Variants in GABBR2 observed in about 807,000 individuals in gnomAD.
GABBR2 encodes gamma-aminobutyric acid type B receptor subunit 2.
GABBR2 carries 23 observed loss-of-function variants against 105.6 expected under a neutral mutation model. That is an observed-to-expected ratio of 0.22 (90% CI 0.16 to 0.31). GABBR2 has a LOEUF of 0.31. Among genes scored for constraint, GABBR2 ranks in the 10% least tolerant of loss-of-function variants. The pLI, the probability that GABBR2 is intolerant of heterozygous loss-of-function variation, is 1.00. For missense variants in GABBR2, 734 were observed against 1,245.5 expected (o/e 0.59, Z 6.18); for synonymous variants, 478 against 499.7 (o/e 0.96, Z 0.58).
chr9:98,294,614 C>A (rs1180993741), intron 17 of GABBR2, among the ~76,000 whole-genome samples: 1 of 151,964 alleles, frequency 6.6e-6, no homozygotes, highest in Non-Finnish European at 1.5e-5. Flanking sequence ...GCAGCTAGGA[C>A]TACAGGCGCA....
At chr9:98,334,166 T>C (rs1452354755) in intron 13 of GABBR2, among the ~76,000 whole-genome samples, 1 of 152,232 alleles carries the variant, frequency 6.6e-6, no homozygotes, top group African/African-American at 2.4e-5. Context: ...AGATCTAAAC[T>C]TGCTGGATTT....
chr9:98,693,531 G>A (rs569384701), intron 1 of GABBR2, among the ~76,000 whole-genome samples: 42 of 152,312 alleles, frequency 2.8e-4, no homozygotes, highest in Admixed American at 7.2e-4. Flanking sequence ...CAACCCCAGA[G>A]GCTGGGAGTC....
chr9:98,503,631 A>C (rs1827448231), intron 3 of GABBR2, among the ~76,000 whole-genome samples: 1 of 152,152 alleles, frequency 6.6e-6, no homozygotes, highest in Non-Finnish European at 1.5e-5. Flanking sequence ...AATCTGTATT[A>C]GTCATCTACT....
chr9:98,606,716 G>A (rs1432535658), intron 1 of GABBR2: 4 of 234,360 alleles, frequency 1.7e-5, no homozygotes, highest in Non-Finnish European at 2.5e-5. Flanking sequence ...CTGACCTCAA[G>A]TGATCCGCCC....
chr9:98,624,278 G>A (rs1490193812), intron 1 of GABBR2, among the ~76,000 whole-genome samples: 1 of 152,170 alleles, frequency 6.6e-6, no homozygotes, highest in Non-Finnish European at 1.5e-5. Context: ...CAGGGCCAGG[G>A]CCTACAAGTC....
Position 98,610,784 on chromosome 9 carries a change from A to G in GABBR2, c.322-32712T>C, listed in dbSNP as rs190811200. On this transcript the variant is annotated intron_variant, in intron 1 of 18. Transcript: ENST00000259455. ...CTTCTGGCCTCTAGGACTGTGAGAAAAAAAAAAAACGTGTGCTGTTTTCAG... is the reference window on the plus strand; with the variant it reads ...CTTCTGGCCTCTAGGACTGTGAGAAGAAAAAAAAACGTGTGCTGTTTTCAG... Among the ~76,000 whole-genome samples the G allele has an allele frequency of 1.1e-4, 16 of 151,470 alleles. No individual in the cohort carries two copies. The East Asian group carries it at 3.1e-3, about 29-fold the overall frequency.
chr9:98,484,667 G>A (rs1276997286), intron 4 of GABBR2, among the ~76,000 whole-genome samples: 2 of 152,146 alleles, frequency 1.3e-5, no homozygotes, highest in Admixed American at 1.3e-4. Context: ...AGCACGAGGA[G>A]GTGTCCCGAG....
At chr9:98,492,235 G>A (rs1316277381) in intron 4 of GABBR2, among the ~76,000 whole-genome samples, 1 of 150,774 alleles carries the variant, frequency 6.6e-6, no homozygotes, top group Non-Finnish European at 1.5e-5. Flanking sequence ...CATATAGTCT[G>A]TACATTTCCA....
intron 13 of GABBR2, among the ~76,000 whole-genome samples, chr9:98,340,432 C>T (rs1342006668): frequency 6.8e-6 from 1 of 147,476 alleles, no homozygotes; most frequent in Non-Finnish European, 1.5e-5. Context: ...CTCTCTCTCT[C>T]TTTTTTTTTT....
chr9:98,706,728 G>A (rs549940478), intron 1 of GABBR2, among the ~76,000 whole-genome samples: 1 of 152,314 alleles, frequency 6.6e-6, no homozygotes, highest in East Asian at 1.9e-4. Flanking sequence ...GATGCAAGCA[G>A]GGCTGCCCTA....
At chr9:98,370,486 T>C (rs79560768) in intron 12 of GABBR2, among the ~76,000 whole-genome samples, 14,476 of 152,076 alleles carry the variant, frequency 0.095, 850 homozygotes, top group Non-Finnish European at 0.13. Context: ...TCTGGAGGGG[T>C]TGGACACCTG....
chr9:98,508,438 C>A (rs933755176), intron 3 of GABBR2, among the ~76,000 whole-genome samples: 11 of 152,250 alleles, frequency 7.2e-5, no homozygotes, highest in African/African-American at 2.4e-4. Context: ...GTGCAGCGCA[C>A]CGTGCGCGAG....
intron 1 of GABBR2, among the ~76,000 whole-genome samples, chr9:98,707,750 A>C (rs1186453649): frequency 6.6e-6 from 1 of 152,220 alleles, no homozygotes; most frequent in Admixed American, 6.5e-5. Flanking sequence ...TTTCTGAGCA[A>C]CTAACCCGAG....
At chr9:98,474,757 A>G (rs112222543) in intron 5 of GABBR2, among the ~76,000 whole-genome samples, 16 of 152,296 alleles carry the variant, frequency 1.1e-4, no homozygotes, top group African/African-American at 3.8e-4. Context: ...CCAGGAGGCT[A>G]AAGTGAGGGT....
At chr9:98,411,768 A>T (rs139077323) in intron 7 of GABBR2, among the ~76,000 whole-genome samples, 1 of 152,260 alleles carries the variant, frequency 6.6e-6, no homozygotes, top group East Asian at 1.9e-4. Flanking sequence ...TAGGGGTCTC[A>T]GTATGTTGCC....
chr9:98,563,855 TGTATAATTC>T, intron 2 of GABBR2, among the ~76,000 whole-genome samples: 1 of 152,198 alleles, frequency 6.6e-6, no homozygotes, highest in East Asian at 1.9e-4. Context: ...AAAAGCCTTC[TGTATAATTC>T]ACAACTAATG....
chr9:98,648,036 C>G (rs1259745229), intron 1 of GABBR2, among the ~76,000 whole-genome samples: 1 of 149,194 alleles, frequency 6.7e-6, no homozygotes, highest in Non-Finnish European at 1.5e-5. Context: ...GAGAAGTGGA[C>G]TCTTCATTAA....
chr9:98,326,560 G>T (rs1830928331), intron 13 of GABBR2, among the ~76,000 whole-genome samples: 1 of 152,186 alleles, frequency 6.6e-6, no homozygotes, highest in Non-Finnish European at 1.5e-5. Flanking sequence ...TGACTCTTGT[G>T]GGCTGAAGCA....
In GABBR2 at chr9:98,670,903, G is replaced by T. The variant is rs534924765; in HGVS notation, c.321+37514C>A. On this transcript the variant is annotated intron_variant, in intron 1 of 18. Transcript: ENST00000259455. Reference sequence around the variant, plus strand: ...AATATGGAAAGAGTTATGGACATGGGTGGTGGTGATGACTGTACAACATTA... The same window carrying T: ...AATATGGAAAGAGTTATGGACATGGTTGGTGGTGATGACTGTACAACATTA... Among the ~76,000 whole-genome samples the T allele has an allele frequency of 3.3e-5, 5 of 152,256 alleles. No individual in the cohort carries two copies. In the South Asian group the frequency reaches 6.2e-4, roughly 19 times the overall value.
Sources: gnomAD v4.1 joint callset for allele counts (sites outside exome capture counted in the v4.1 genomes callset) on GRCh38, gnomAD v4.1.1 for gene constraint, MANE v1.5 for transcripts, NCBI Gene and HGNC (gene_info 2026-07-23, HGNC 2026-07-21) for gene names.